PTK2: variants seen among roughly 807,000 people sequenced by gnomAD.
PTK2 encodes the protein protein tyrosine kinase 2, also known as focal adhesion kinase 1.
In PTK2, 45 loss-of-function variants were observed where a neutral mutation model predicts 150.1. That is an observed-to-expected ratio of 0.30 (90% confidence interval 0.24 to 0.38). The LOEUF is 0.38. PTK2 is among the 10% of genes least tolerant of loss of function. The pLI, the probability that PTK2 is intolerant of heterozygous loss-of-function variation, is 1.00. For synonymous variants in PTK2, 432 were observed against 449.2 expected (o/e 0.96, Z 0.48); for missense variants, 919 against 1,307.3 (o/e 0.70, Z 4.58).
At chr8:140,680,214 C>T (rs1162986908) in intron 27 of PTK2, among the ~76,000 whole-genome samples, 1 of 152,110 alleles carries the variant, frequency 6.6e-6, no homozygotes, top group Non-Finnish European at 1.5e-5. Context: ...CATCATGTGT[C>T]ATCTGATTGT....
chr8:140,771,912 T>C (rs1189114967), intron 14 of PTK2, among the ~76,000 whole-genome samples: 1 of 151,774 alleles, frequency 6.6e-6, no homozygotes, highest in East Asian at 1.9e-4. Context: ...CCCGCGTAGC[T>C]GGGATTACAG....
At position 140,980,976 on chromosome 8, in the gene PTK2, G is replaced by A. The variant is rs567758900; in HGVS notation, c.-122+20149C>T. ...GGGGTTTCATTATGTTAGCCAGGCT[G>A]GTCTCGAACTCTTCACCTCGTGATC... On this transcript the variant is annotated intron_variant, in intron 1 of 31. Transcript: ENST00000522684. Among the ~76,000 whole-genome samples the A allele has an allele frequency of 2.7e-5, 3 of 111,730 alleles. No individual in the cohort carries two copies. In the South Asian group the frequency reaches 9.1e-4, roughly 34 times the overall value. 73.3% of individuals were successfully genotyped at this position (111,730 alleles called of 152,430 possible).
intron 5 of PTK2, among the ~76,000 whole-genome samples, chr8:140,849,632 G>C (rs934955475): frequency 6.6e-6 from 1 of 152,134 alleles, no homozygotes; most frequent in African/African-American, 2.4e-5. Context: ...TATAGCCTCA[G>C]AAAAAGCCTA....
intron 27 of PTK2, among the ~76,000 whole-genome samples, chr8:140,677,877 A>G (rs1243439712): frequency 6.6e-6 from 1 of 152,236 alleles, no homozygotes; most frequent in Non-Finnish European, 1.5e-5. Context: ...CTAGGTATAA[A>G]ACAAAGATCC....
chr8:140,860,734 A>G (rs371969468), intron 5 of PTK2, among the ~76,000 whole-genome samples: 25 of 152,122 alleles, frequency 1.6e-4, no homozygotes, highest in Admixed American at 1.4e-3. Context: ...TCGGCCTCCC[A>G]AAGTGCTGGG....
intron 22 of PTK2, chr8:140,721,932 A>G (rs2100043112): frequency 6.6e-6 from 1 of 152,210 alleles, no homozygotes. Context: ...GGCATTGTAA[A>G]TATCTGTTTG....
chr8:140,661,040 A>G (rs2079039506), intron 31 of PTK2, among the ~76,000 whole-genome samples: 1 of 152,252 alleles, frequency 6.6e-6, no homozygotes, highest in African/African-American at 2.4e-5. Context: ...TACATAGATA[A>G]GACAGCAATG....
intron 1 of PTK2, among the ~76,000 whole-genome samples, chr8:140,953,492 G>GT (rs1397772802): frequency 6.6e-6 from 1 of 152,208 alleles, no homozygotes; most frequent in Non-Finnish European, 1.5e-5. Context: ...AGCATACACA[G>GT]TGTGGTGGAT....
intron 1 of PTK2, among the ~76,000 whole-genome samples, chr8:140,958,144 TTTTTTG>T (rs933963459): frequency 1.4e-4 from 22 of 152,260 alleles, no homozygotes; most frequent in African/African-American, 5.1e-4. Context: ...CTCCTACTAA[TTTTTTG>T]TTTTTGAGAT....
At chr8:140,660,720 T>C in intron 31 of PTK2, 1 of 426,452 alleles carries the variant, frequency 2.3e-6, no homozygotes, top group Middle Eastern at 3.4e-4. Context: ...AGCCAGACCA[T>C]TATGTACGCC....
chr8:140,716,459 CCATCA>C (rs890988897), intron 23 of PTK2, among the ~76,000 whole-genome samples: 10 of 152,262 alleles, frequency 6.6e-5, no homozygotes, highest in African/African-American at 2.4e-4. Flanking sequence ...AATGTAACAT[CCATCA>C]GACAGGTATG....
At chr8:140,772,313 C>T (rs1455109787) in intron 14 of PTK2, among the ~76,000 whole-genome samples, 3 of 152,116 alleles carry the variant, frequency 2.0e-5, no homozygotes, top group African/African-American at 7.2e-5. Context: ...CCCGTGGGCC[C>T]AGCTATTGAG....
At chr8:140,976,335 C>T (rs2100189250) in intron 1 of PTK2, among the ~76,000 whole-genome samples, 1 of 152,152 alleles carries the variant, frequency 6.6e-6, no homozygotes, top group African/African-American at 2.4e-5. Context: ...AATTTAATTT[C>T]TGAGCCACTA....
chr8:140,845,897 G>A (rs984060821), intron 7 of PTK2, among the ~76,000 whole-genome samples: 3 of 152,030 alleles, frequency 2.0e-5, no homozygotes, highest in African/African-American at 4.8e-5. Flanking sequence ...AGTAACTTCC[G>A]TATCTCTATT....
chr8:140,698,948 T>C (rs889872305), intron 26 of PTK2, among the ~76,000 whole-genome samples: 2 of 143,570 alleles, frequency 1.4e-5, no homozygotes, highest in Non-Finnish European at 3.0e-5. Context: ...TTTTTTTTTT[T>C]AGTAGAGACG....
intron 3 of PTK2, among the ~76,000 whole-genome samples, chr8:140,886,220 G>C (rs549543599): frequency 6.6e-6 from 1 of 152,300 alleles, no homozygotes; most frequent in African/African-American, 2.4e-5. Context: ...TTTGACTGGA[G>C]CACTGGATGG....
At chr8:140,764,114 T>C (rs2100070890) in intron 15 of PTK2, 120 bp downstream of exon 17, 3 of 850,746 alleles carry the variant, frequency 3.5e-6, no homozygotes, top group East Asian at 2.4e-5. Flanking sequence ...AGAATATTTC[T>C]GTTCAGCATC....
At chr8:140,890,872 T>C (rs768834338) in intron 2 of PTK2, 103 bp from the exon 3 acceptor site, 7 of 995,236 alleles carry the variant, frequency 7.0e-6, no homozygotes, top group Admixed American at 6.5e-5. Context: ...TCTCTTGATA[T>C]GTTATATGCG....
At chr8:140,751,825 G>C (rs1029334954) in intron 17 of PTK2, 3 of 469,002 alleles carry the variant, frequency 6.4e-6, no homozygotes, top group African/African-American at 5.9e-5. Context: ...AGCAGGACAA[G>C]GGGAATGGTC....
Sources: gnomAD v4.1 joint callset for allele counts (sites outside exome capture counted in the v4.1 genomes callset) on GRCh38, gnomAD v4.1.1 for gene constraint, MANE v1.5 for transcripts, NCBI Gene and HGNC (gene_info 2026-07-23, HGNC 2026-07-21) for gene names.